Variants in NTRK3 observed in about 807,000 individuals in gnomAD.
NTRK3 encodes neurotrophic receptor tyrosine kinase 3, also known as NT-3 growth factor receptor.
In NTRK3, 24 loss-of-function variants were observed where a neutral mutation model predicts 91.7. The observed-to-expected ratio is 0.26, with a 90% CI of 0.19 to 0.37. The LOEUF (loss-of-function observed/expected upper bound fraction) is 0.37, where lower values mean the gene tolerates loss of function less well. Ranked by LOEUF, NTRK3 falls within the 10% of genes least tolerant of loss-of-function variation. The pLI is 1.00. For synonymous variants in NTRK3, 483 were observed against 404.0 expected (o/e 1.20, Z -2.34); for missense variants, 880 against 1,068.9 (o/e 0.82, Z 2.46).
intron 17 of NTRK3, among the ~76,000 whole-genome samples, chr15:87,891,810 G>A (rs747442848): frequency 8.5e-5 from 13 of 152,168 alleles, no homozygotes; most frequent in African/African-American, 3.1e-4. Flanking sequence ...TATACCTCAT[G>A]TTATCCATAC....
chr15:88,056,269 T>C lies in NTRK3; in HGVS notation c.1397-23224A>G, dbSNP rs1342852930. On this transcript the variant is annotated intron_variant, in intron 13 of 18. Coordinates refer to ENST00000394480, the Ensembl canonical transcript of NTRK3. ...AAGAAATATGTGTATAAAATGGAAA[T>C]AGAGCAAAATTTATGTCTTTTTATA... 2.0e-5 allele frequency among the ~76,000 whole-genome samples: 3 copies of C among 149,542 alleles called. No homozygotes were observed. The East Asian group carries it at 5.9e-4, about 29-fold the overall frequency.
intron 17 of NTRK3, among the ~76,000 whole-genome samples, chr15:87,911,800 C>T (rs573967300): frequency 6.6e-6 from 1 of 152,280 alleles, no homozygotes; most frequent in African/African-American, 2.4e-5. Flanking sequence ...ATTTAATGAA[C>T]ATTTATGAAA....
At chr15:88,048,328 G>A (rs553621206) in intron 13 of NTRK3, among the ~76,000 whole-genome samples, 9 of 152,160 alleles carry the variant, frequency 5.9e-5, no homozygotes, top group Middle Eastern at 3.2e-3. Context: ...GGCAAGGCTG[G>A]GCAAAGTCCC....
chr15:88,097,704 G>A (rs971331834), intron 13 of NTRK3, among the ~76,000 whole-genome samples: 5 of 152,176 alleles, frequency 3.3e-5, no homozygotes, highest in South Asian at 2.1e-4. Flanking sequence ...TGAAAAGCAC[G>A]CAATCTTTAA....
intron 17 of NTRK3, among the ~76,000 whole-genome samples, chr15:87,894,319 G>T (rs7167475): frequency 0.011 from 1,695 of 152,272 alleles, 34 homozygotes; most frequent in African/African-American, 0.039. Context: ...GGCACTCTTG[G>T]TCCAGAGGGT....
chr15:88,089,965 C>T (rs918820797), intron 13 of NTRK3, among the ~76,000 whole-genome samples: 4 of 152,198 alleles, frequency 2.6e-5, no homozygotes, highest in African/African-American at 4.8e-5. Flanking sequence ...CCTGCACCAC[C>T]GGTCCAGCCA....
At chr15:87,883,952 G>A (rs2065390646) in intron 17 of NTRK3, among the ~76,000 whole-genome samples, 1 of 137,078 alleles carries the variant, frequency 7.3e-6, no homozygotes, top group African/African-American at 2.7e-5. Context: ...TTTTAAAATA[G>A]TGAAAATATA....
chr15:88,194,394 T>C (rs2047652233), intron 3 of NTRK3, among the ~76,000 whole-genome samples: 1 of 152,238 alleles, frequency 6.6e-6, no homozygotes, highest in South Asian at 2.1e-4. Flanking sequence ...CTCCAGATGT[T>C]TAGCTGACAT....
At chr15:88,151,362 C>T (rs961075064) in intron 5 of NTRK3, among the ~76,000 whole-genome samples, 6 of 152,272 alleles carry the variant, frequency 3.9e-5, no homozygotes, top group Admixed American at 2.0e-4. Context: ...GCCAGACACA[C>T]AGATGGCTGA....
chr15:87,900,935 A>G (rs1481006977), intron 17 of NTRK3, among the ~76,000 whole-genome samples: 2 of 152,162 alleles, frequency 1.3e-5, no homozygotes, highest in Non-Finnish European at 2.9e-5. Flanking sequence ...GAGACTGGAT[A>G]ATCTTTGGAT....
chr15:87,957,794 C>T (rs1315654324), intron 14 of NTRK3, among the ~76,000 whole-genome samples: 1 of 152,184 alleles, frequency 6.6e-6, no homozygotes, highest in African/African-American at 2.4e-5. Flanking sequence ...CTTTGTGCTG[C>T]TGGAAGTTAC....
chr15:88,072,799 A>G (rs999061260), intron 13 of NTRK3: 1 of 233,142 alleles, frequency 4.3e-6, no homozygotes, highest in Admixed American at 5.6e-5. Context: ...AGAGAGGGAA[A>G]GCGGGCAGTG....
intron 17 of NTRK3, 28 bp downstream of exon 18, chr15:87,885,666 A>C (rs1193419315): frequency 4.0e-6 from 5 of 1,265,186 alleles, no homozygotes; most frequent in Non-Finnish European, 5.4e-6. Flanking sequence ...TGAACTATTC[A>C]TTAAAAAAAA....
At chr15:87,925,388 G>T (rs1042602285) in intron 17 of NTRK3, among the ~76,000 whole-genome samples, 7 of 151,494 alleles carry the variant, frequency 4.6e-5, no homozygotes, top group Admixed American at 2.0e-4. Context: ...CTCTCCCCAT[G>T]CCCTTATATG....
chr15:88,060,330 T>A (rs1192373570), intron 13 of NTRK3, among the ~76,000 whole-genome samples: 1 of 142,758 alleles, frequency 7.0e-6, no homozygotes, highest in South Asian at 2.2e-4. Context: ...GTCGCAGTGA[T>A]CCAAGATTGC....
chr15:87,897,829 A>G (rs1372707601), intron 17 of NTRK3, among the ~76,000 whole-genome samples: 1 of 118,700 alleles, frequency 8.4e-6, no homozygotes, highest in Non-Finnish European at 1.6e-5. Flanking sequence ...TCAGAATTAT[A>G]TACATATCCT....
At chr15:88,032,020 C>T (rs2078581808) in intron 14 of NTRK3, among the ~76,000 whole-genome samples, 1 of 152,180 alleles carries the variant, frequency 6.6e-6, no homozygotes, top group Non-Finnish European at 1.5e-5. Flanking sequence ...CTCAGGCAGG[C>T]ATGGGTGTCC....
chr15:87,862,841 GC>G, exon 19 of NTRK3: 1 of 230,160 alleles, frequency 4.3e-6, no homozygotes, highest in East Asian at 6.2e-5. Flanking sequence ...TCAGAGAAGT[GC>G]CCCCAATGAG....
At chr15:87,990,981 C>A (rs2075242658) in intron 14 of NTRK3, among the ~76,000 whole-genome samples, 1 of 152,256 alleles carries the variant, frequency 6.6e-6, no homozygotes, top group Non-Finnish European at 1.5e-5. Context: ...TCCCATAATC[C>A]AAGTTCTAAT....
Sources: gnomAD v4.1 joint callset for allele counts (sites outside exome capture counted in the v4.1 genomes callset) on GRCh38, gnomAD v4.1.1 for gene constraint, MANE v1.5 for transcripts, NCBI Gene and HGNC (gene_info 2026-07-23, HGNC 2026-07-21) for gene names.